CRB1: variants seen among roughly 807,000 people sequenced by gnomAD.
CRB1 encodes protein crumbs homolog 1.
CRB1 carries 83 observed loss-of-function variants against 120.0 expected under a neutral mutation model. The ratio of observed to expected loss-of-function variants is 0.69; its 90% CI spans 0.58 to 0.83. CRB1 has a LOEUF of 0.83. Ranked by LOEUF, CRB1 falls within the 40% of genes least tolerant of loss-of-function variation. The probability of loss-of-function intolerance (pLI) is 0.00; values close to 1 mark genes in which losing one functional copy is unlikely to be tolerated. For synonymous variants in CRB1, 625 were observed against 612.5 expected (o/e 1.02, Z -0.30); for missense variants, 1,699 against 1,687.6 (o/e 1.01, Z -0.12).
chr1:197,435,653 T>C (rs775049701), intron 9 of CRB1, 41 bp downstream of exon 9: 3 of 1,526,400 alleles, frequency 2.0e-6, no homozygotes, highest in South Asian at 1.2e-5. Context: ...TTTGAAGCTA[T>C]ACTCTGCATC....
chr1:197,333,826 C>T (rs1658996204), intron 2 of CRB1, among the ~76,000 whole-genome samples: 1 of 152,140 alleles, frequency 6.6e-6, no homozygotes, highest in African/African-American at 2.4e-5. Flanking sequence ...GGTTTTAGGA[C>T]CTGGCCTGGG....
intron 5 of CRB1, among the ~76,000 whole-genome samples, chr1:197,381,578 T>C (rs1276243693): frequency 6.6e-6 from 1 of 152,224 alleles, no homozygotes; most frequent in Non-Finnish European, 1.5e-5. Context: ...ACTTTTGTTC[T>C]TTGTAGTAAA....
intron 4 of CRB1, among the ~76,000 whole-genome samples, chr1:197,353,708 G>T (rs1470097002): frequency 6.6e-6 from 1 of 151,330 alleles, no homozygotes; most frequent in Non-Finnish European, 1.5e-5. Flanking sequence ...GGCTGAGGCA[G>T]GAGAATCACT....
At chr1:197,461,793 C>T (rs1666543867) in intron 11 of CRB1, among the ~76,000 whole-genome samples, 1 of 152,124 alleles carries the variant, frequency 6.6e-6, no homozygotes, top group South Asian at 2.1e-4. Flanking sequence ...ATATATCAGA[C>T]CTTACTCATC....
intron 2 of CRB1, among the ~76,000 whole-genome samples, chr1:197,339,662 G>A (rs1659345357): frequency 6.6e-6 from 1 of 152,128 alleles, no homozygotes; most frequent in Admixed American, 6.5e-5. Context: ...CAGCGTCAAA[G>A]TCAAGACCTG....
At chr1:197,458,182 T>G (rs1232199466) in intron 11 of CRB1, among the ~76,000 whole-genome samples, 3 of 151,728 alleles carry the variant, frequency 2.0e-5, no homozygotes, top group African/African-American at 4.8e-5. Context: ...CCCTAAGCAA[T>G]GAGAGCAGAA....
chr1:197,326,201 G>A (rs1414707380), intron 1 of CRB1, among the ~76,000 whole-genome samples: 1 of 152,126 alleles, frequency 6.6e-6, no homozygotes, highest in Non-Finnish European at 1.5e-5. Context: ...TGAGCACTTG[G>A]TATAAATAAA....
upstream of CRB1, among the ~76,000 whole-genome samples, chr1:197,263,843 G>T (rs1461911884): frequency 6.6e-6 from 1 of 151,890 alleles, no homozygotes; most frequent in Non-Finnish European, 1.5e-5. Flanking sequence ...CTATTTATTA[G>T]TTAAATTTTT....
chr1:197,371,730 C>T (rs966005466), intron 5 of CRB1, among the ~76,000 whole-genome samples: 8 of 152,058 alleles, frequency 5.3e-5, no homozygotes, highest in African/African-American at 1.9e-4. Context: ...CTACATGGGC[C>T]CAGATGAGTA....
intron 5 of CRB1, among the ~76,000 whole-genome samples, chr1:197,414,994 CT>C (rs1209174317): frequency 1.3e-5 from 2 of 152,016 alleles, no homozygotes; most frequent in African/African-American, 4.8e-5. Context: ...GCTTTCTCTC[CT>C]TTTTTTGTTC....
chr1:197,299,218 G>A (rs2125250933), intron 1 of CRB1, among the ~76,000 whole-genome samples: 1 of 152,130 alleles, frequency 6.6e-6, no homozygotes, highest in African/African-American at 2.4e-5. Flanking sequence ...CACAGAAGAG[G>A]AAGCACGAAT....
At chr1:197,331,985 C>T (rs769210973) in intron 2 of CRB1, among the ~76,000 whole-genome samples, 4 of 151,832 alleles carry the variant, frequency 2.6e-5, no homozygotes, top group African/African-American at 9.7e-5. Flanking sequence ...CCACACTGGC[C>T]AACATGGTGA....
chr1:197,209,330 TTTTTG>T, the CRB1 span, among the ~76,000 whole-genome samples: 270 of 151,502 alleles, frequency 1.8e-3, 1 homozygote, highest in Non-Finnish European at 3.0e-3. Flanking sequence ...TTTGTTTTTG[TTTTTG>T]TTTTGTTTTG....
intron 11 of CRB1, among the ~76,000 whole-genome samples, chr1:197,466,183 A>G (rs1666742248): frequency 6.6e-6 from 1 of 152,142 alleles, no homozygotes; most frequent in Non-Finnish European, 1.5e-5. Context: ...TTTAAGCCCT[A>G]TTTGATTAAT....
At chr1:197,426,293 A>C (rs1447262981) in intron 6 of CRB1, among the ~76,000 whole-genome samples, 3 of 152,062 alleles carry the variant, frequency 2.0e-5, no homozygotes, top group Non-Finnish European at 4.4e-5. Context: ...ACAATAATGT[A>C]GTATAACTTT....
At chr1:197,460,727 CT>C (rs1308208075) in intron 11 of CRB1, among the ~76,000 whole-genome samples, 1 of 152,018 alleles carries the variant, frequency 6.6e-6, no homozygotes, top group Non-Finnish European at 1.5e-5. Flanking sequence ...TTTCTGTTTC[CT>C]AGTTTGTGAA....
chr1:197,275,659 G>T (rs561619699), intron 1 of CRB1, among the ~76,000 whole-genome samples: 1 of 151,976 alleles, frequency 6.6e-6, no homozygotes, highest in African/African-American at 2.4e-5. Flanking sequence ...TGATCAATAT[G>T]TAAAATAGCA....
Position 197,366,530 on chromosome 1 carries a change from G to A in CRB1, c.1171+9517G>A, listed in dbSNP as rs76930096. ...TATTGAAAATATTTGCATATGTAACGTAATTTTTCTAACTTTTTATAATGT... is the reference window on the plus strand; with the variant it reads ...TATTGAAAATATTTGCATATGTAACATAATTTTTCTAACTTTTTATAATGT... On this transcript the variant is annotated intron_variant, in intron 5 of 11. Coordinates refer to ENST00000367400, the MANE Select transcript of CRB1 (RefSeq NM_201253.3). 4.4e-3 allele frequency among the ~76,000 whole-genome samples: 669 copies of A among 152,106 alleles called. 3 individuals carry two copies. The highest frequency in any genetic ancestry group is 0.014 in the African/African-American group (586 of 41,508).
intron 1 of CRB1, among the ~76,000 whole-genome samples, chr1:197,319,861 TAAC>T (rs893140824): frequency 8.5e-5 from 13 of 152,174 alleles, no homozygotes; most frequent in African/African-American, 3.1e-4. Flanking sequence ...GTGGTTTCTA[TAAC>T]AACATGATAG....
Sources: gnomAD v4.1 joint callset for allele counts (sites outside exome capture counted in the v4.1 genomes callset) on GRCh38, gnomAD v4.1.1 for gene constraint, MANE v1.5 for transcripts, NCBI Gene and HGNC (gene_info 2026-07-23, HGNC 2026-07-21) for gene names.